Variants in KANK4 observed in about 807,000 individuals in gnomAD.
KANK4 encodes the protein KN motif and ankyrin repeat domains 4.
Under a neutral mutation model 80.8 loss-of-function variants are expected in KANK4, and 50 were observed. The observed-to-expected ratio is 0.62, with a 90% CI of 0.49 to 0.78. The LOEUF (loss-of-function observed/expected upper bound fraction) is 0.78. KANK4 is among the 30% of genes least tolerant of loss of function. The pLI is 0.00. For missense variants in KANK4, 1,196 were observed against 1,240.1 expected, an observed-to-expected ratio of 0.96 and a Z score of 0.53; for synonymous variants, 465 against 506.9, an observed-to-expected ratio of 0.92 and a Z score of 1.11.
At chr1:62,251,722 G>A (rs1386258824) in intron 8 of KANK4, among the ~76,000 whole-genome samples, 1 of 152,146 alleles carries the variant, frequency 6.6e-6, no homozygotes, top group African/African-American at 2.4e-5. Context: ...GGCCGGGCGC[G>A]GTGGCTCACG....
rs1557479582 is a variant in KANK4, at chr1:62,263,076, T to C, written c.2539+16A>G. ...CAAGGAGGGACCCAGACTGTATGAATGCAACCACTTCTGACCTGTCTCCAG... is the reference window on the plus strand; with the variant it reads ...CAAGGAGGGACCCAGACTGTATGAACGCAACCACTTCTGACCTGTCTCCAG... On this transcript the variant is annotated intron_variant, in intron 7 of 9. Transcript: ENST00000371153. The C allele has an allele frequency of 1.3e-6, 2 of 1,594,684 alleles. No individual in the cohort carries two copies. Among genetic ancestry groups the C allele is most frequent in the Non-Finnish European group, 8.6e-7 (1 of 1,164,402 alleles).
rs758452262 is a variant in KANK4, at chr1:62,238,379, A to C, written c.2886T>G (p.Ala962=). 69 of 1,613,538 alleles carry C rather than the reference A, an allele frequency of 4.3e-5. No individual in the cohort carries two copies. The highest frequency in any genetic ancestry group is 5.7e-5 in the Non-Finnish European group (67 of 1,179,598). The change falls in exon 10 of 10, where the codon GCT becomes GCG. Residue 962 remains alanine, a splice_region_variant and synonymous_variant. Transcript: ENST00000371153. ...GAGCGATGGACAAAGCTGTGCGGCCAGCCTACAGGAGAAAAAGGAAAGAAG... is the reference window on the plus strand; with the variant it reads ...GAGCGATGGACAAAGCTGTGCGGCCCGCCTACAGGAGAAAAAGGAAAGAAG... The part of the protein sequence containing the change: ...PACDSSLTDK[A]GRTALSIALK...
Position 62,273,253 on chromosome 1 carries a change from C to A in KANK4, c.1851G>T (p.Gln617His). The change falls in exon 3 of 10, where the codon CAG becomes CAT. Residue 617 changes from glutamine to histidine, a missense_variant. This residue lies in a region of KANK4 where 1,154 missense variants were observed against 1,179.6 expected (regional missense o/e 0.98). Transcript: ENST00000371153. Reference protein sequence around the residue: ...LNLLLSAYSAQAHPPKEPPAS... With the variant: ...LNLLLSAYSAHAHPPKEPPAS... ...CCGGTGGCTCCTTGGGTGGGTGAGC[C>A]TGGGCCGAGTAGGCCGACAGCAGCA... 1 of 1,543,860 alleles carries A rather than the reference C, an allele frequency of 6.5e-7. No individual in the cohort carries two copies. The highest frequency in any genetic ancestry group is 8.7e-7 in the Non-Finnish European group (1 of 1,144,144).
At chr1:62,240,604 G>C (rs1390539453) in intron 9 of KANK4, among the ~76,000 whole-genome samples, 3 of 152,212 alleles carry the variant, frequency 2.0e-5, no homozygotes, top group Non-Finnish European at 4.4e-5. Context: ...GGGAGGCAGA[G>C]GTTGCGGTGA....
Position 62,247,597 on chromosome 1 carries a change from C to G in KANK4, c.2758G>C (p.Ala920Pro). 2 of 1,614,086 alleles carry G rather than the reference C, an allele frequency of 1.2e-6. No homozygotes were observed. The highest frequency in any genetic ancestry group is 2.2e-5 in the South Asian group (2 of 91,078). ...DMVQALLSCQ[A>P]DVNLQDHDGS... is the part of the protein sequence containing the mutation. ...TCGTGGTCCTGCAGATTGACATCTG[C>G]CTGGCAGCTAAGCAGCGCTTGAACC... Residue 920 changes from alanine to proline, a missense_variant, in exon 9 of 10, where the codon GCA (alanine) becomes CCA (proline). By Grantham distance (27) the Ala-to-Pro change is conservative. Coordinates refer to ENST00000371153, the MANE Select transcript of KANK4 (RefSeq NM_181712.5).
At chr1:62,249,359 T>C (rs1416129582) in intron 8 of KANK4, among the ~76,000 whole-genome samples, 2 of 89,956 alleles carry the variant, frequency 2.2e-5, no homozygotes, top group Non-Finnish European at 4.4e-5. Context: ...TGTGTGTGCG[T>C]GTGTGTATAT....
rs778571110 is a variant in KANK4, at chr1:62,273,421, C to G, written c.1683G>C (p.Gly561=). The stretch of plus-strand genomic sequence containing the variant: ...GCTCCTGGATCTTCTTCACATACTG[C>G]CCAATAGTGGCATCCGTTGGCGAGC... The part of the protein sequence containing the change: ...PPSSPTDATI[G]QYVKKIQELL... Residue 561 remains glycine (G), a synonymous_variant, in exon 3 of 10, where the codon GGG becomes GGC. Coordinates refer to ENST00000371153, the MANE Select transcript of KANK4 (RefSeq NM_181712.5). 6.2e-7 allele frequency: 1 copy of G among 1,613,010 alleles called. No homozygotes were observed. Among genetic ancestry groups the G allele is most frequent in the Admixed American group, 1.7e-5 (1 of 59,900 alleles).
intron 1 of KANK4, among the ~76,000 whole-genome samples, chr1:62,306,462 C>T (rs1298306040): frequency 6.6e-6 from 1 of 152,168 alleles, no homozygotes; most frequent in African/African-American, 2.4e-5. Flanking sequence ...TATGTAGTTA[C>T]ATATCATATA....
At chr1:62,311,843 C>T (rs1024723644) in intron 1 of KANK4, among the ~76,000 whole-genome samples, 5 of 152,174 alleles carry the variant, frequency 3.3e-5, no homozygotes, top group African/African-American at 7.2e-5. Flanking sequence ...ACAAATTCTG[C>T]GCTTTTGCAA....
At chr1:62,286,557 C>T (rs1441602521) in intron 1 of KANK4, among the ~76,000 whole-genome samples, 3 of 152,242 alleles carry the variant, frequency 2.0e-5, no homozygotes, top group African/African-American at 7.2e-5. Context: ...CCAAACAACA[C>T]ACAATCTTCC....
At chr1:62,289,939 CT>C (rs975573157) in intron 1 of KANK4, among the ~76,000 whole-genome samples, 9 of 152,180 alleles carry the variant, frequency 5.9e-5, no homozygotes, top group African/African-American at 2.2e-4. Flanking sequence ...CTGAACTTCC[CT>C]GTGCCTCAGT....
rs1266281482 is a variant in KANK4 at position 62,274,736 on chromosome 1, C to A, written c.368G>T (p.Ser123Ile). 1.2e-6 allele frequency: 2 copies of A among 1,614,046 alleles called. No homozygotes were observed. The highest frequency in any genetic ancestry group is 1.3e-5 in the African/African-American group (1 of 74,922). ...GNAPQASTSRSEVSYHRKALL... is the reference protein window; with the variant it reads ...GNAPQASTSRIEVSYHRKALL... ...AGCCTTCCTGTGGTAGCTCACCTCACTCCTGCTTGTTGAGGCCTGGGGGGC... is the reference window on the plus strand; with the variant it reads ...AGCCTTCCTGTGGTAGCTCACCTCAATCCTGCTTGTTGAGGCCTGGGGGGC... The change falls in exon 3 of 10, where the codon AGT (serine) becomes ATT (isoleucine). Residue 123 changes from serine (S) to isoleucine (I), a missense_variant. Transcript: ENST00000371153.
At chr1:62,244,207 T>TA (rs1671414209) in intron 9 of KANK4, among the ~76,000 whole-genome samples, 2 of 151,928 alleles carry the variant, frequency 1.3e-5, no homozygotes, top group Admixed American at 6.6e-5. Context: ...TTATTTTTTT[T>TA]TTTTTTGAGA....
intron 4 of KANK4, among the ~76,000 whole-genome samples, chr1:62,268,895 G>A (rs111465998): frequency 0.011 from 1,609 of 152,232 alleles, 35 homozygotes; most frequent in African/African-American, 0.037. Context: ...TCCGGAGAGG[G>A]GCCCAACTCT....
intron 6 of KANK4, among the ~76,000 whole-genome samples, chr1:62,264,917 C>T (rs3895339): frequency 0.26 from 39,324 of 152,002 alleles, 5,673 homozygotes; most frequent in East Asian, 0.56. Flanking sequence ...CTGTAACCTC[C>T]ACCTCCTGGG....
chr1:62,280,803 G>C, intron 2 of KANK4, among the ~76,000 whole-genome samples: 1 of 152,284 alleles, frequency 6.6e-6, no homozygotes, highest in Non-Finnish European at 1.5e-5. Context: ...TTATAGAAAA[G>C]GTGTTGTCAA....
At chr1:62,277,990 CA>C (rs1388886939) in intron 2 of KANK4, among the ~76,000 whole-genome samples, 2 of 152,072 alleles carry the variant, frequency 1.3e-5, no homozygotes, top group Non-Finnish European at 1.5e-5. Flanking sequence ...CTGATATGGC[CA>C]GTACTTAAAA....
At chr1:62,252,180 A>G (rs1671638907) in intron 8 of KANK4, among the ~76,000 whole-genome samples, 1 of 152,180 alleles carries the variant, frequency 6.6e-6, no homozygotes, top group African/African-American at 2.4e-5. Context: ...AATAAGGGGT[A>G]GACCTAGGTG....
intron 1 of KANK4, among the ~76,000 whole-genome samples, chr1:62,289,696 A>AGAT (rs1352159543): frequency 3.9e-5 from 6 of 152,342 alleles, no homozygotes; most frequent in African/African-American, 1.4e-4. Context: ...AGGAATCATA[A>AGAT]CTATTATGAT....
Sources: gnomAD v4.1 joint callset for allele counts (sites outside exome capture counted in the v4.1 genomes callset) on GRCh38, gnomAD v4.1.1 for gene constraint, gnomAD v4.1.1 regional missense constraint, MANE v1.5 for transcripts, NCBI Gene and HGNC (gene_info 2026-07-23, HGNC 2026-07-21) for gene names.